PRKCI: variants seen among roughly 807,000 people sequenced by gnomAD.
The protein encoded by PRKCI is protein kinase C iota type.
PRKCI carries 43 observed loss-of-function variants against 84.0 expected under a neutral mutation model. The ratio of observed to expected loss-of-function variants is 0.51; its 90% CI spans 0.40 to 0.66. The LOEUF is 0.66. Ranked by LOEUF, PRKCI falls within the 30% of genes least tolerant of loss-of-function variation. The pLI, the probability that PRKCI is intolerant of heterozygous loss-of-function variation, is 0.00. For missense variants in PRKCI, 459 were observed against 745.6 expected, an observed-to-expected ratio of 0.62 and a Z score of 4.48; for synonymous variants, 216 against 234.4, an observed-to-expected ratio of 0.92 and a Z score of 0.72.
In PRKCI at chr3:170,297,339, A is replaced by G; in HGVS notation, c.1533A>G (p.Thr511=). 1 of 1,613,936 alleles carries G rather than the reference A, an allele frequency of 6.2e-7. No individual in the cohort carries two copies. Among genetic ancestry groups the G allele is most frequent in the Non-Finnish European group, 8.5e-7 (1 of 1,179,846 alleles). ...AACGATTGGGTTGTCATCCTCAAAC[A>G]GGATTTGCTGATATTCAGGGACACC... is the stretch of plus-strand genomic sequence containing the variant. ...PKERLGCHPQ[T]GFADIQGHPF... The change falls in exon 16 of 18, where the codon ACA becomes ACG. Residue 511 remains threonine, a synonymous_variant. Transcript: ENST00000295797.
chr3:170,291,971 G>A (rs747540178), intron 13 of PRKCI, 30 bp downstream of exon 13: 3 of 1,479,346 alleles, frequency 2.0e-6, no homozygotes, highest in Non-Finnish European at 2.8e-6. Context: ...TATTATTTTA[G>A]CTATTGCTAG....
At chr3:170,228,616 T>TACACAC (rs36006947) in intron 1 of PRKCI, among the ~76,000 whole-genome samples, 44 of 147,384 alleles carry the variant, frequency 3.0e-4, no homozygotes, top group South Asian at 1.1e-3. Flanking sequence ...TATATATATA[T>TACACAC]ACACACACAC....
chr3:170,252,134 A>G (rs917234652), intron 2 of PRKCI, among the ~76,000 whole-genome samples: 4 of 151,670 alleles, frequency 2.6e-5, no homozygotes, highest in African/African-American at 9.7e-5. Flanking sequence ...AAATGGCATG[A>G]ACTTGGGAGG....
At chr3:170,259,319 C>T (rs1402621034) in intron 2 of PRKCI, among the ~76,000 whole-genome samples, 4 of 150,442 alleles carry the variant, frequency 2.7e-5, no homozygotes, top group South Asian at 2.1e-4. Context: ...TGTAGTGAGC[C>T]GTGATCATGT....
intron 1 of PRKCI, among the ~76,000 whole-genome samples, chr3:170,231,510 G>C (rs957482313): frequency 6.6e-6 from 1 of 151,798 alleles, no homozygotes; most frequent in Admixed American, 6.6e-5. Context: ...TGTCGCCCAG[G>C]CTGGAGTGTA....
chr3:170,284,257 G>A (rs910243705), intron 11 of PRKCI, among the ~76,000 whole-genome samples: 7 of 152,126 alleles, frequency 4.6e-5, no homozygotes, highest in Non-Finnish European at 1.0e-4. Context: ...TATGAAAAAT[G>A]TGAGTTTAAG....
At chr3:170,280,544 G>T (rs1317793826) in intron 9 of PRKCI, 141 bp downstream of exon 9, 13 of 688,130 alleles carry the variant, frequency 1.9e-5, no homozygotes, top group Non-Finnish European at 2.7e-5. Flanking sequence ...TGCCTCCCAG[G>T]TTCAAGTGAT....
intron 3 of PRKCI, among the ~76,000 whole-genome samples, 156 bp from the exon 4 acceptor site, chr3:170,263,223 C>T (rs1352830253): frequency 6.6e-6 from 1 of 151,340 alleles, no homozygotes; most frequent in Non-Finnish European, 1.5e-5. Flanking sequence ...ATCCCTTTGG[C>T]AAATAATATT....
chr3:170,295,080 C>T (rs548874745), intron 14 of PRKCI, among the ~76,000 whole-genome samples: 3 of 151,140 alleles, frequency 2.0e-5, no homozygotes, highest in Non-Finnish European at 3.0e-5. Context: ...GGCGTCGTGG[C>T]GGGCACCTGT....
At chr3:170,230,296 G>A (rs1465600956) in intron 1 of PRKCI, among the ~76,000 whole-genome samples, 3 of 151,688 alleles carry the variant, frequency 2.0e-5, no homozygotes, top group South Asian at 4.2e-4. Context: ...CTCCTAAGTA[G>A]CTGGGATTAT....
intron 1 of PRKCI, among the ~76,000 whole-genome samples, chr3:170,225,924 T>C (rs899061903): frequency 6.6e-6 from 1 of 152,018 alleles, no homozygotes; most frequent in African/African-American, 2.4e-5. Context: ...ATTTATTTAT[T>C]TTTTTGGAGA....
At chr3:170,291,794 G>A in intron 12 of PRKCI, 60 bp from the exon 13 acceptor site, 6 of 1,311,714 alleles carry the variant, frequency 4.6e-6, no homozygotes, top group Non-Finnish European at 6.6e-6. Context: ...GAAATAGAAA[G>A]GGTGAATTTA....
chr3:170,229,383 G>T (rs1732728823), intron 1 of PRKCI, among the ~76,000 whole-genome samples: 1 of 152,156 alleles, frequency 6.6e-6, no homozygotes, highest in Admixed American at 6.5e-5. Context: ...GCATGATCTA[G>T]GCCCTCTGCA....
At chr3:170,267,440 G>A (rs1159516843) in intron 4 of PRKCI, among the ~76,000 whole-genome samples, 3 of 152,084 alleles carry the variant, frequency 2.0e-5, no homozygotes, top group Non-Finnish European at 4.4e-5. Flanking sequence ...ATGGGAGGCC[G>A]AGGCGGGCGG....
At chr3:170,238,109 T>C (rs1165940003) in intron 2 of PRKCI, among the ~76,000 whole-genome samples, 1 of 152,098 alleles carries the variant, frequency 6.6e-6, no homozygotes, top group Non-Finnish European at 1.5e-5. Context: ...ATGCCTATAA[T>C]CCCAGCATTT....
At chr3:170,294,550 T>G (rs532780623) in intron 14 of PRKCI, among the ~76,000 whole-genome samples, 13 of 152,228 alleles carry the variant, frequency 8.5e-5, no homozygotes, top group Non-Finnish European at 1.5e-4. Flanking sequence ...GTGGAGCAAC[T>G]GGAACTCTTC....
chr3:170,227,879 G>C (rs1159653785), intron 1 of PRKCI, among the ~76,000 whole-genome samples: 1 of 152,178 alleles, frequency 6.6e-6, no homozygotes, highest in Non-Finnish European at 1.5e-5. Context: ...GGAGGCTTTT[G>C]AAGTAGTCCA....
chr3:170,230,955 T>G (rs1349632614), intron 1 of PRKCI, among the ~76,000 whole-genome samples: 4 of 149,030 alleles, frequency 2.7e-5, no homozygotes, highest in African/African-American at 4.9e-5. Flanking sequence ...ATTTAATTTT[T>G]TTTTTTTGTT....
intron 2 of PRKCI, among the ~76,000 whole-genome samples, chr3:170,247,167 T>C (rs1733307432): frequency 6.6e-6 from 1 of 151,778 alleles, no homozygotes; most frequent in African/African-American, 2.4e-5. Context: ...GCTCAAGCAG[T>C]CCTCCCACCT....
Sources: gnomAD v4.1 joint callset for allele counts (sites outside exome capture counted in the v4.1 genomes callset) on GRCh38, gnomAD v4.1.1 for gene constraint, MANE v1.5 for transcripts, NCBI Gene and HGNC (gene_info 2026-07-23, HGNC 2026-07-21) for gene names.